DIP2C: variants seen among roughly 807,000 people sequenced by gnomAD.
The protein encoded by DIP2C is DIP2 acetate--CoA ligase C (putative), also known as disco-interacting protein 2 homolog C.
In DIP2C, 33 loss-of-function variants were observed where a neutral mutation model predicts 192.4. The ratio of observed to expected loss-of-function variants is 0.17; its 90% CI spans 0.13 to 0.23. The LOEUF is 0.23. Ranked by LOEUF, DIP2C falls within the 10% of genes least tolerant of loss-of-function variation. The probability of loss-of-function intolerance (pLI) is 1.00; values close to 1 mark genes in which losing one functional copy is unlikely to be tolerated. For missense variants in DIP2C, 1,537 were observed against 2,110.1 expected, an observed-to-expected ratio of 0.73 and a Z score of 5.32; for synonymous variants, 979 against 864.1, an observed-to-expected ratio of 1.13 and a Z score of -2.33.
intron 1 of DIP2C, among the ~76,000 whole-genome samples, chr10:563,399 C>G (rs780402630): frequency 2.0e-5 from 3 of 152,184 alleles, no homozygotes; most frequent in Non-Finnish European, 2.9e-5. Context: ...GTATTCCACC[C>G]CCTTCCTTAA....
intron 31 of DIP2C, among the ~76,000 whole-genome samples, chr10:320,368 C>T (rs529591767): frequency 1.3e-5 from 2 of 151,746 alleles, no homozygotes; most frequent in Non-Finnish European, 2.9e-5. Context: ...ATTAGCTCGG[C>T]GAGGTGGCAG....
chr10:662,911 C>T (rs975409340), intron 1 of DIP2C: 8 of 717,502 alleles, frequency 1.1e-5, no homozygotes, highest in Admixed American at 2.0e-5. Context: ...TGAACACTCT[C>T]GGGAGAGGTG....
At chr10:424,355 GTTTTTTTTTTTT>G (rs557255878) in intron 4 of DIP2C, among the ~76,000 whole-genome samples, 17 of 83,106 alleles carry the variant, frequency 2.0e-4, no homozygotes, top group Middle Eastern at 8.8e-3. Flanking sequence ...ATCACCTTGG[GTTTTTTTTTTTT>G]TTTTTTTTTT....
rs1954414818 is a variant in DIP2C, at chr10:274,424, A to G, written c.*2901T>C. The G allele has an allele frequency of 6.6e-6, 1 of 152,214 alleles. No individual in the cohort carries two copies. 9.4% of individuals were successfully genotyped at this position (152,214 alleles called of 1,614,324 possible). On this transcript the variant is annotated 3_prime_UTR_variant, in exon 37 of 37. Transcript: ENST00000280886. ...CTTCCCGGGATTAAAGCTGTCCCAG[A>G]CATCTTTCCAGGGGACCAATTAAGA...
chr10:369,959 A>T (rs1960765431), intron 17 of DIP2C: 1 of 985,304 alleles, frequency 1.0e-6, no homozygotes, highest in African/African-American at 1.7e-5. Context: ...CCCTGCACAG[A>T]CCAGCTCTCT....
intron 1 of DIP2C, among the ~76,000 whole-genome samples, chr10:592,143 A>G (rs1029284620): frequency 2.0e-5 from 3 of 152,232 alleles, no homozygotes; most frequent in Non-Finnish European, 4.4e-5. Context: ...TGTATAATTG[A>G]TATTTCTGCT....
chr10:493,691 ACATGAG>A (rs1462850302), intron 1 of DIP2C, among the ~76,000 whole-genome samples: 2 of 152,202 alleles, frequency 1.3e-5, no homozygotes, highest in African/African-American at 4.8e-5. Flanking sequence ...TTGGGAGGGA[ACATGAG>A]CATGAGGACA....
chr10:616,511 G>A (rs182623007), intron 1 of DIP2C, among the ~76,000 whole-genome samples: 96 of 152,258 alleles, frequency 6.3e-4, no homozygotes, highest in African/African-American at 2.2e-3. Flanking sequence ...TCCCATCAGC[G>A]GGCCCACTGA....
intron 1 of DIP2C, among the ~76,000 whole-genome samples, chr10:627,343 C>A (rs1323425815): frequency 6.6e-6 from 1 of 152,258 alleles, no homozygotes; most frequent in Admixed American, 6.5e-5. Flanking sequence ...ATCCCAGCAT[C>A]TGGACCTGTG....
intron 1 of DIP2C, among the ~76,000 whole-genome samples, chr10:598,947 C>T (rs1588560509): frequency 6.6e-6 from 1 of 152,208 alleles, no homozygotes; most frequent in Non-Finnish European, 1.5e-5. Context: ...AACATCCTTC[C>T]AACAACGACT....
intron 1 of DIP2C, among the ~76,000 whole-genome samples, chr10:679,487 A>G (rs1339134537): frequency 3.9e-5 from 2 of 51,258 alleles, no homozygotes; most frequent in African/African-American, 1.1e-4. Context: ...TGCTCCCCAC[A>G]CCCCTGCTCC....
At chr10:547,927 A>C (rs112445033) in intron 1 of DIP2C, among the ~76,000 whole-genome samples, 2 of 151,964 alleles carry the variant, frequency 1.3e-5, no homozygotes, top group Non-Finnish European at 2.9e-5. Flanking sequence ...GGTCACCCTT[A>C]TCTCTCATTT....
chr10:555,319 G>A (rs542764785), intron 1 of DIP2C, among the ~76,000 whole-genome samples: 13 of 152,010 alleles, frequency 8.6e-5, no homozygotes, highest in East Asian at 3.9e-4. Flanking sequence ...TTTCCCACAC[G>A]TTTGCTTCCT....
chr10:664,222 C>T (rs1856950250), intron 1 of DIP2C: 1 of 152,134 alleles, frequency 6.6e-6, no homozygotes, highest in Non-Finnish European at 1.5e-5. Context: ...ACAGAAACTC[C>T]CATCTGCCTT....
intron 1 of DIP2C, among the ~76,000 whole-genome samples, chr10:580,099 G>A (rs146352138): frequency 3.9e-5 from 6 of 152,090 alleles, no homozygotes; most frequent in Admixed American, 6.5e-5. Flanking sequence ...ATGCACATTT[G>A]TATGTACATA....
chr10:430,748 ATCAAAG>A (rs1353953912), intron 4 of DIP2C, among the ~76,000 whole-genome samples: 24 of 152,228 alleles, frequency 1.6e-4, no homozygotes, highest in Admixed American at 1.6e-3. Flanking sequence ...TTATCACCAA[ATCAAAG>A]TCACTAGATT....
intron 1 of DIP2C, among the ~76,000 whole-genome samples, chr10:488,561 C>T (rs1001304085): frequency 1.6e-4 from 25 of 152,146 alleles, no homozygotes; most frequent in Admixed American, 1.0e-3. Flanking sequence ...GCCCAGAGGC[C>T]GCAGCCCTGG....
chr10:647,147 G>A (rs1855497867), intron 1 of DIP2C, among the ~76,000 whole-genome samples: 1 of 152,042 alleles, frequency 6.6e-6, no homozygotes, highest in African/African-American at 2.4e-5. Context: ...GGAGAGAACA[G>A]AGGAAAACTG....
chr10:589,084 C>T (rs551822417), intron 1 of DIP2C, among the ~76,000 whole-genome samples: 4 of 152,232 alleles, frequency 2.6e-5, no homozygotes, highest in Admixed American at 2.0e-4. Context: ...TGAAACCAGT[C>T]GCACTGAAGG....
Sources: gnomAD v4.1 joint callset for allele counts (sites outside exome capture counted in the v4.1 genomes callset) on GRCh38, gnomAD v4.1.1 for gene constraint, MANE v1.5 for transcripts, NCBI Gene and HGNC (gene_info 2026-07-23, HGNC 2026-07-21) for gene names.